SIPA1L3: variants seen among roughly 807,000 people sequenced by gnomAD.
SIPA1L3 encodes signal induced proliferation associated 1 like 3.
In SIPA1L3, 59 loss-of-function variants were observed where a neutral mutation model predicts 150.1. The observed-to-expected ratio is 0.39, with a 90% CI of 0.32 to 0.49. The LOEUF is 0.49. SIPA1L3 is among the 20% of genes least tolerant of loss of function. The pLI is 0.86. For missense variants in SIPA1L3, 2,211 were observed against 2,489.5 expected, an observed-to-expected ratio of 0.89 and a Z score of 2.38; for synonymous variants, 1,070 against 1,077.6, an observed-to-expected ratio of 0.99 and a Z score of 0.14.
chr19:37,961,689 C>A (rs902068399), intron 1 of SIPA1L3, among the ~76,000 whole-genome samples: 1 of 152,054 alleles, frequency 6.6e-6, no homozygotes, highest in Non-Finnish European at 1.5e-5. Context: ...TGGGCTATTA[C>A]TTGTTCAGAT....
At chr19:38,138,922 G>T (rs924338305) in intron 10 of SIPA1L3, among the ~76,000 whole-genome samples, 1 of 75,102 alleles carries the variant, frequency 1.3e-5, no homozygotes. Flanking sequence ...AAAACTGAGT[G>T]TGGTGGCTCA....
intron 16 of SIPA1L3, among the ~76,000 whole-genome samples, chr19:38,190,000 G>C (rs1199271705): frequency 6.6e-6 from 1 of 152,144 alleles, no homozygotes; most frequent in Non-Finnish European, 1.5e-5. Context: ...GCCCTTTCCT[G>C]GCTGGGGGCT....
intron 1 of SIPA1L3, among the ~76,000 whole-genome samples, chr19:37,998,668 G>T (rs115891988): frequency 0.013 from 1,978 of 152,114 alleles, 44 homozygotes; most frequent in African/African-American, 0.046. Flanking sequence ...TATGCCTGTG[G>T]TCCTAGCTAC....
At chr19:37,988,477 AC>A (rs1967418134) in intron 1 of SIPA1L3, among the ~76,000 whole-genome samples, 1 of 152,130 alleles carries the variant, frequency 6.6e-6, no homozygotes, top group Non-Finnish European at 1.5e-5. Context: ...GGAGTTTGAG[AC>A]CAGCCTGGCC....
At chr19:38,086,498 G>C (rs956536943) in intron 3 of SIPA1L3, among the ~76,000 whole-genome samples, 6 of 152,156 alleles carry the variant, frequency 3.9e-5, no homozygotes, top group African/African-American at 1.4e-4. Context: ...GACCAGCCTG[G>C]GCAACATAGT....
At chr19:37,949,622 G>A (rs2046743562) in intron 1 of SIPA1L3, among the ~76,000 whole-genome samples, 1 of 151,472 alleles carries the variant, frequency 6.6e-6, no homozygotes, top group African/African-American at 2.4e-5. Context: ...CTGAGATCCC[G>A]CCATTGCACT....
At chr19:38,147,926 G>T (rs527304038) in intron 12 of SIPA1L3, among the ~76,000 whole-genome samples, 81 of 152,222 alleles carry the variant, frequency 5.3e-4, no homozygotes, top group African/African-American at 1.8e-3. Context: ...TGACCCTGAC[G>T]TAGAACTTTG....
intron 15 of SIPA1L3, among the ~76,000 whole-genome samples, chr19:38,179,739 T>C (rs1246880330): frequency 1.3e-5 from 2 of 152,220 alleles, no homozygotes; most frequent in Non-Finnish European, 2.9e-5. Context: ...AAGCATATAC[T>C]TTTATAGAAT....
In SIPA1L3 at chr19:38,193,576, G is replaced by A. The variant is rs776439399; in HGVS notation, c.4636G>A (p.Glu1546Lys). ...GGGCCTGCAGCGGACGCTGTCGGAC[G>A]AGAGCCTGTGCAGCGGGCGCCGGGA... ...QKGLQRTLSDESLCSGRREPS... is the reference protein window; with the variant it reads ...QKGLQRTLSDKSLCSGRREPS... The change falls in exon 18 of 22, where the codon GAG (glutamate) becomes AAG (lysine). Residue 1546 changes from glutamate to lysine, a missense_variant. Glu to Lys is a moderately conservative substitution (Grantham distance 56). Around this residue, in one of 5 missense-constraint regions of SIPA1L3, gnomAD observed 806 missense variants for 870.1 expected, o/e 0.93. Transcript: ENST00000222345. 3 of 1,542,180 alleles carry A rather than the reference G, an allele frequency of 1.9e-6. No individual in the cohort carries two copies. Among genetic ancestry groups the A allele is most frequent in the East Asian group, 2.4e-5 (1 of 41,918 alleles).
chr19:38,202,741 C>CA (rs2146074032), intron 20 of SIPA1L3, among the ~76,000 whole-genome samples: 1 of 152,318 alleles, frequency 6.6e-6, no homozygotes, highest in African/African-American at 2.4e-5. Context: ...ACTTCTGCCT[C>CA]ACGCTCACCC....
chr19:38,202,067 G>A, intron 20 of SIPA1L3, 70 bp downstream of exon 20: 2 of 1,475,306 alleles, frequency 1.4e-6, no homozygotes, highest in Non-Finnish European at 1.8e-6. Context: ...GGCTTACCCA[G>A]AGAGAGGCAG....
chr19:38,010,564 A>T lies in SIPA1L3; in HGVS notation c.-378-18525A>T, dbSNP rs549939282. On this transcript the variant is annotated intron_variant, in intron 1 of 21. Coordinates refer to ENST00000222345, the MANE Select transcript of SIPA1L3 (RefSeq NM_015073.3). ...TGTCTCTACTAAAAATAACAAAATT[A>T]GCTGGGCGTGGTGGCAGGCACCTGT... Among the ~76,000 whole-genome samples, 40 of 152,204 alleles carry T rather than the reference A, an allele frequency of 2.6e-4. No individual in the cohort carries two copies. The South Asian group carries it at 8.3e-3, about 32-fold the overall frequency.
In SIPA1L3 at chr19:38,162,343, G is replaced by T. The variant is rs148792662; in HGVS notation, c.3752G>T (p.Gly1251Val). 5.3e-4 allele frequency: 860 copies of T among 1,614,180 alleles called. No homozygotes were observed. Among genetic ancestry groups the T allele is most frequent in the Non-Finnish European group, 6.6e-4 (776 of 1,179,994 alleles). Residue 1251 changes from glycine to valine, a missense_variant, in exon 14 of 22, where the codon GGC (glycine) becomes GTC (valine). By Grantham distance (109) the Gly-to-Val change is moderately radical. This residue lies in a region of SIPA1L3 where 806 missense variants were observed against 870.1 expected (regional missense o/e 0.93). Coordinates refer to ENST00000222345, the MANE Select transcript of SIPA1L3 (RefSeq NM_015073.3). Reference sequence around the variant, plus strand: ...CACCCGTCCAGGCAGGATGCAGCAGGCAAAGATTCCCCCAACAGGCATTCC... The same window carrying T: ...CACCCGTCCAGGCAGGATGCAGCAGTCAAAGATTCCCCCAACAGGCATTCC... ...NKHPSRQDAA[G>V]KDSPNRHSKG...
Position 38,207,351 on chromosome 19 carries a change from A to G in SIPA1L3, c.*1111A>G, listed in dbSNP as rs1244052929. 6.6e-6 allele frequency: 1 copy of G among 151,354 alleles called. No individual in the cohort carries two copies. Among genetic ancestry groups the G allele is most frequent in the East Asian group, 2.0e-4 (1 of 5,126 alleles). The allele number at this position is 151,354 out of a possible 1,614,324, so 9.4% of individuals were successfully genotyped here. ...TCTCTAAAGGCAATAAGGGGCGGCC[A>G]TGCCGGTGTGGTACCACGCTGTTCC... On this transcript the variant is annotated 3_prime_UTR_variant, in exon 22 of 22. Transcript: ENST00000222345.
chr19:38,078,438 G>GCGCATACATGCA (rs1555784007), intron 2 of SIPA1L3, among the ~76,000 whole-genome samples: 12 of 138,898 alleles, frequency 8.6e-5, no homozygotes, highest in Non-Finnish European at 1.4e-4. Context: ...GCGCATACAT[G>GCGCATACATGCA]CACACACACA....
chr19:37,977,586 C>CT lies in SIPA1L3; in HGVS notation c.-378-51503_-378-51502insT, dbSNP rs535031961. Among the ~76,000 whole-genome samples the CT allele has an allele frequency of 3.5e-3, 540 of 152,230 alleles. 4 individuals are homozygous for CT. Among genetic ancestry groups the CT allele is most frequent in the African/African-American group, 0.013 (520 of 41,522 alleles). ...CATGATTGGCAGTCCCCTCCACGCC[C>CT]CCCCCCACAGAAGTAGGAGGAACGA... is the stretch of plus-strand genomic sequence containing the variant. On this transcript the variant is annotated intron_variant, in intron 1 of 21. Coordinates refer to ENST00000222345, the MANE Select transcript of SIPA1L3 (RefSeq NM_015073.3).
intron 1 of SIPA1L3, among the ~76,000 whole-genome samples, chr19:37,919,299 G>A (rs556619129): frequency 1.1e-3 from 160 of 152,312 alleles, no homozygotes; most frequent in South Asian, 3.7e-3. Flanking sequence ...TGCTCAGTAA[G>A]TATCTGTTGA....
At chr19:37,931,526 C>T (rs2046553487) in intron 1 of SIPA1L3, among the ~76,000 whole-genome samples, 1 of 152,016 alleles carries the variant, frequency 6.6e-6, no homozygotes, top group African/African-American at 2.4e-5. Flanking sequence ...TCAGGTGGAC[C>T]TCCTGAGGTT....
At chr19:38,193,205 G>A (rs1222977322) in intron 17 of SIPA1L3, among the ~76,000 whole-genome samples, 1 of 151,846 alleles carries the variant, frequency 6.6e-6, no homozygotes, top group Non-Finnish European at 1.5e-5. Context: ...ATTAGCCAAG[G>A]GTGGTGGCAT....
Sources: gnomAD v4.1 joint callset for allele counts (sites outside exome capture counted in the v4.1 genomes callset) on GRCh38, gnomAD v4.1.1 for gene constraint, gnomAD v4.1.1 regional missense constraint, MANE v1.5 for transcripts, NCBI Gene and HGNC (gene_info 2026-07-23, HGNC 2026-07-21) for gene names.